Variants in MIPEP observed in about 807,000 individuals in gnomAD.
MIPEP encodes mitochondrial intermediate peptidase.
In MIPEP, 79 loss-of-function variants were observed where a neutral mutation model predicts 90.3. The observed-to-expected ratio is 0.87, with a 90% CI of 0.73 to 1.05. The LOEUF (loss-of-function observed/expected upper bound fraction) is 1.05, where lower values mean the gene tolerates loss of function less well. Ranked by LOEUF, MIPEP falls within the 50% of genes least tolerant of loss-of-function variation. The probability of loss-of-function intolerance (pLI) is 0.00; values close to 1 mark genes in which losing one functional copy is unlikely to be tolerated. For missense variants in MIPEP, 940 were observed against 905.6 expected (o/e 1.04, Z -0.49); for synonymous variants, 334 against 315.8 (o/e 1.06, Z -0.61).
intron 16 of MIPEP, among the ~76,000 whole-genome samples, chr13:23,804,162 C>A (rs61945096): frequency 0.013 from 2,033 of 152,232 alleles, 21 homozygotes; most frequent in Non-Finnish European, 0.021. Flanking sequence ...GAGAAGAAAT[C>A]TGGATGGTAA....
chr13:23,785,635 AAAAG>A (rs1391007943), intron 16 of MIPEP, among the ~76,000 whole-genome samples: 1 of 151,888 alleles, frequency 6.6e-6, no homozygotes, highest in Non-Finnish European at 1.5e-5. Context: ...AAAAAAAAAA[AAAAG>A]AAAAAAAGAA....
chr13:23,845,334 G>A (rs1200668525), intron 10 of MIPEP, among the ~76,000 whole-genome samples: 1 of 152,150 alleles, frequency 6.6e-6, no homozygotes, highest in Non-Finnish European at 1.5e-5. Flanking sequence ...GAGGAGGCAA[G>A]GTCAATGAGA....
In MIPEP at chr13:23,879,322, A is replaced by C. The variant is rs768628283; in HGVS notation, c.485T>G (p.Leu162Trp). ...TTTTTTATCAGCTAGTAATTTTTGCAAACTTTGATATAAATCCACATTTGT... is the reference window on the plus strand; with the variant it reads ...TTTTTTATCAGCTAGTAATTTTTGCCAACTTTGATATAAATCCACATTTGT... ...LNTNVDLYQSLQKLLADKKLV... is the reference protein window; with the variant it reads ...LNTNVDLYQSWQKLLADKKLV... The change falls in exon 4 of 19, where the codon TTG becomes TGG. Residue 162 changes from leucine to tryptophan, a missense_variant. Leu to Trp is a moderately conservative substitution (Grantham distance 61). Transcript: ENST00000382172. 1.0e-5 allele frequency: 16 copies of C among 1,599,858 alleles called. No homozygotes were observed. In the Admixed American group the frequency reaches 2.7e-4, roughly 27 times the overall value.
intron 5 of MIPEP, among the ~76,000 whole-genome samples, chr13:23,872,990 G>A (rs1191905789): frequency 6.6e-6 from 1 of 152,176 alleles, no homozygotes; most frequent in Non-Finnish European, 1.5e-5. Flanking sequence ...TTGATCCTTT[G>A]TAAGCCTAGA....
intron 18 of MIPEP, among the ~76,000 whole-genome samples, chr13:23,753,240 A>T (rs1404406068): frequency 3.0e-5 from 4 of 135,134 alleles, no homozygotes; most frequent in East Asian, 2.0e-4. Flanking sequence ...AAAAAAAAAA[A>T]TAATAATAAT....
chr13:23,809,817 C>G (rs1953152111), intron 15 of MIPEP, 33 bp downstream of exon 15: 1 of 1,398,414 alleles, frequency 7.2e-7, no homozygotes, highest in Non-Finnish European at 1.0e-6. Flanking sequence ...GATAATGACT[C>G]CGGAAAACTT....
At chr13:23,801,771 A>G (rs575437625) in intron 16 of MIPEP, among the ~76,000 whole-genome samples, 2 of 152,226 alleles carry the variant, frequency 1.3e-5, no homozygotes, top group South Asian at 4.1e-4. Context: ...CTCAATTTCC[A>G]TAGCTGAACA....
At position 23,869,571 on chromosome 13, in the gene MIPEP, G is replaced by C. The variant is rs1870692524; in HGVS notation, c.787-123C>G. ...ATCACTGCTTTCAAAATAAAGCAAT[G>C]GTCTACACGAGGCCATAAAGCTTCC... is the stretch of plus-strand genomic sequence containing the variant. On this transcript the variant is annotated intron_variant, in intron 6 of 18. Transcript: ENST00000382172. 7 of 908,676 alleles carry C rather than the reference G, an allele frequency of 7.7e-6. No homozygotes were observed. In the East Asian group the frequency reaches 1.6e-4, roughly 21 times the overall value. 56.3% of individuals were successfully genotyped at this position (908,676 alleles called of 1,614,324 possible). A position where few individuals can be genotyped will look rare whatever the true frequency, so the allele number is the denominator to read the frequency against.
rs1456373862 is a variant in MIPEP, at chr13:23,775,560, C to T, written c.1849-15343G>A. Among the ~76,000 whole-genome samples, 4 of 152,180 alleles carry T rather than the reference C, an allele frequency of 2.6e-5. No individual in the cohort carries two copies. The East Asian group carries it at 7.7e-4, about 29-fold the overall frequency. ...GGTTTAGATCCTCATCACCTCTTGCCTAAACTGTAAGGCCTTTGGGGTACG... is the reference window on the plus strand; with the variant it reads ...GGTTTAGATCCTCATCACCTCTTGCTTAAACTGTAAGGCCTTTGGGGTACG... On this transcript the variant is annotated intron_variant, in intron 16 of 18. Transcript: ENST00000382172.
rs367852805 is a variant in MIPEP at position 23,809,883 on chromosome 13, T to C, written c.1695A>G (p.Lys565=). The change falls in exon 15 of 19, where the codon AAA becomes AAG. Residue 565 remains lysine, a synonymous_variant. Transcript: ENST00000382172. The part of the protein sequence containing the change: ...KNMVSRLCES[K]KVCAAADMQL... ...GCATATCAGCTGCAGCACAAACCTT[T>C]TTAGATTCACAAAGACGAGACACCA... 8.1e-6 allele frequency: 13 copies of C among 1,613,638 alleles called. No individual in the cohort carries two copies. Among genetic ancestry groups the C allele is most frequent in the Middle Eastern group, 1.6e-4 (1 of 6,080 alleles).
chr13:23,864,141 C>A lies in MIPEP; in HGVS notation c.992G>T (p.Arg331Ile). The A allele has an allele frequency of 6.5e-7, 1 of 1,540,198 alleles. No individual in the cohort carries two copies. The highest frequency in any genetic ancestry group is 8.8e-7 in the Non-Finnish European group (1 of 1,134,818). ...LEKLSDKLSE[R>I]TLKDFEMIRG... ...ACTAAATAGTAGAATAAAAACTAACCTTTCAGAAAGTTTGTCAGATAGTTT... is the reference window on the plus strand; with the variant it reads ...ACTAAATAGTAGAATAAAAACTAACATTTCAGAAAGTTTGTCAGATAGTTT... The change falls in exon 8 of 19, where the codon AGA (arginine) becomes ATA (isoleucine). Residue 331 changes from arginine (R) to isoleucine (I), a missense_variant and splice_region_variant. Physicochemically the swap from Arg to Ile is moderately conservative, Grantham distance 97. Transcript: ENST00000382172.
At chr13:23,789,146 T>C (rs1033503127) in intron 16 of MIPEP, among the ~76,000 whole-genome samples, 1 of 151,924 alleles carries the variant, frequency 6.6e-6, no homozygotes, top group Non-Finnish European at 1.5e-5. Context: ...TCTGTTGTCA[T>C]TGTTTTATTT....
chr13:23,796,605 C>T (rs186327186), intron 16 of MIPEP, among the ~76,000 whole-genome samples: 1 of 151,580 alleles, frequency 6.6e-6, no homozygotes, highest in African/African-American at 2.4e-5. Context: ...CAAAAAAACT[C>T]CACGTAGTAA....
chr13:23,797,548 C>A (rs1489407729), intron 16 of MIPEP, among the ~76,000 whole-genome samples: 3 of 152,176 alleles, frequency 2.0e-5, no homozygotes, highest in Non-Finnish European at 1.5e-5. Context: ...CTAGCAAGCA[C>A]CAAACACCCA....
At chr13:23,746,233 T>C (rs9553044) in intron 18 of MIPEP, among the ~76,000 whole-genome samples, 1 of 150,966 alleles carries the variant, frequency 6.6e-6, no homozygotes, top group Non-Finnish European at 1.5e-5. Flanking sequence ...AGGCTGGTCT[T>C]GAACTCCGGA....
intron 10 of MIPEP, among the ~76,000 whole-genome samples, chr13:23,856,049 G>A (rs1004265760): frequency 1.4e-4 from 22 of 152,354 alleles, no homozygotes; most frequent in Middle Eastern, 6.8e-3. Context: ...GAATTAGTAT[G>A]TATTTACTGA....
At chr13:23,864,978 C>A (rs950514158) in intron 7 of MIPEP, among the ~76,000 whole-genome samples, 1 of 151,582 alleles carries the variant, frequency 6.6e-6, no homozygotes, top group African/African-American at 2.4e-5. Context: ...TTGTTATATA[C>A]AACTGTAGAA....
At chr13:23,858,114 T>C (rs1262853944) in intron 10 of MIPEP, among the ~76,000 whole-genome samples, 1 of 152,188 alleles carries the variant, frequency 6.6e-6, no homozygotes, top group Admixed American at 6.5e-5. Flanking sequence ...AGTAGGATTC[T>C]GAGATTTTTT....
At chr13:23,853,124 A>C (rs943123614) in intron 10 of MIPEP, among the ~76,000 whole-genome samples, 1 of 152,208 alleles carries the variant, frequency 6.6e-6, no homozygotes, top group Non-Finnish European at 1.5e-5. Flanking sequence ...AAGTTACAGG[A>C]AGCAAAAGTT....
Sources: gnomAD v4.1 joint callset for allele counts (sites outside exome capture counted in the v4.1 genomes callset) on GRCh38, gnomAD v4.1.1 for gene constraint, MANE v1.5 for transcripts, NCBI Gene and HGNC (gene_info 2026-07-23, HGNC 2026-07-21) for gene names.